Variants in TMEM178B observed in about 807,000 individuals in gnomAD.
TMEM178B encodes transmembrane protein 178B.
A neutral mutation model predicts 31.0 loss-of-function variants in TMEM178B; 5 were observed. That is an observed-to-expected ratio of 0.16 (90% CI 0.08 to 0.34). TMEM178B has a LOEUF of 0.34. Among genes scored for constraint, TMEM178B ranks in the 10% least tolerant of loss-of-function variants. The pLI is 1.00. For synonymous variants in TMEM178B, 164 were observed against 164.0 expected (o/e 1.00, Z 0.00); for missense variants, 275 against 400.3 (o/e 0.69, Z 2.67).
chr7:141,319,463 G>A (rs996591645), intron 2 of TMEM178B, among the ~76,000 whole-genome samples: 6 of 152,168 alleles, frequency 3.9e-5, no homozygotes, highest in Non-Finnish European at 5.9e-5. Context: ...TTTTCATGGT[G>A]GAAAGATGTA....
chr7:141,142,772 T>C (rs1462358927), intron 1 of TMEM178B, among the ~76,000 whole-genome samples: 8 of 152,252 alleles, frequency 5.3e-5, no homozygotes, highest in Admixed American at 5.2e-4. Context: ...GGTAGCTCTC[T>C]TTTAAGTTCT....
At chr7:141,299,696 C>T (rs117680401) in intron 2 of TMEM178B, among the ~76,000 whole-genome samples, 2,256 of 152,324 alleles carry the variant, frequency 0.015, 28 homozygotes, top group Middle Eastern at 0.051. Context: ...GGTGTCCTCT[C>T]TTCTGTCCCT....
At chr7:141,221,862 C>T (rs893339088) in intron 2 of TMEM178B, among the ~76,000 whole-genome samples, 1 of 152,282 alleles carries the variant, frequency 6.6e-6, no homozygotes, top group South Asian at 2.1e-4. Context: ...CAGATGGGGT[C>T]GATTGCCTGG....
intron 1 of TMEM178B, among the ~76,000 whole-genome samples, chr7:141,092,193 G>A (rs1300435390): frequency 1.3e-5 from 2 of 152,088 alleles, no homozygotes; most frequent in Non-Finnish European, 2.9e-5. Context: ...GTAATTCTTG[G>A]TTACCCTACC....
chr7:141,457,772 C>A (rs1188255720), intron 3 of TMEM178B, among the ~76,000 whole-genome samples: 1 of 152,194 alleles, frequency 6.6e-6, no homozygotes, highest in Non-Finnish European at 1.5e-5. Context: ...AAACATGCAA[C>A]TGTGCAAACA....
intron 2 of TMEM178B, among the ~76,000 whole-genome samples, chr7:141,401,894 A>G (rs186723141): frequency 9.1e-4 from 138 of 152,314 alleles, no homozygotes; most frequent in African/African-American, 2.1e-3. Flanking sequence ...CCCCTAAAAC[A>G]TCAGATAACT....
rs1166678700 is a variant in TMEM178B at position 141,476,679 on chromosome 7, G to A, written c.*5893G>A. 1 of 152,158 alleles carries A rather than the reference G, an allele frequency of 6.6e-6. No homozygotes were observed. The highest frequency in any genetic ancestry group is 1.5e-5 in the Non-Finnish European group (1 of 68,046). 9.4% of individuals were successfully genotyped at this position (152,158 alleles called of 1,614,324 possible). On this transcript the variant is annotated 3_prime_UTR_variant, in exon 4 of 4. Transcript: ENST00000565468. ...GGTACATTCACTAAGACGTGTCTGG[G>A]TGTGATCCTGTTTGGGAAAAACAGA...
At chr7:141,411,640 G>T (rs1345170421) in intron 2 of TMEM178B, among the ~76,000 whole-genome samples, 2 of 152,172 alleles carry the variant, frequency 1.3e-5, no homozygotes, top group East Asian at 3.8e-4. Context: ...TGTTTGTTTG[G>T]CGCATTCAAT....
At chr7:141,241,179 C>T (rs562394140) in intron 2 of TMEM178B, among the ~76,000 whole-genome samples, 1 of 151,948 alleles carries the variant, frequency 6.6e-6, no homozygotes, top group East Asian at 1.9e-4. Context: ...TCCCATCCTC[C>T]CCCTTCTGAG....
chr7:141,185,095 G>T (rs768942816), intron 1 of TMEM178B, among the ~76,000 whole-genome samples: 2 of 152,172 alleles, frequency 1.3e-5, no homozygotes. Context: ...AGCTCTAGGG[G>T]AGCATACAGA....
At chr7:141,225,161 C>G (rs528325612) in intron 2 of TMEM178B, among the ~76,000 whole-genome samples, 2 of 152,270 alleles carry the variant, frequency 1.3e-5, no homozygotes, top group South Asian at 2.1e-4. Context: ...AGAATCCAGA[C>G]AGTTGTGACT....
chr7:141,217,286 G>A (rs1384530508), intron 2 of TMEM178B, among the ~76,000 whole-genome samples: 2 of 152,224 alleles, frequency 1.3e-5, no homozygotes, highest in African/African-American at 4.8e-5. Context: ...AGCACAGGTG[G>A]GGCCTGGGCC....
intron 1 of TMEM178B, among the ~76,000 whole-genome samples, chr7:141,191,390 T>G (rs1283755525): frequency 6.6e-6 from 1 of 152,230 alleles, no homozygotes; most frequent in Non-Finnish European, 1.5e-5. Flanking sequence ...TGGGTCAAAT[T>G]GAGGCTTTGT....
chr7:141,499,572 G>A, the TMEM178B span, among the ~76,000 whole-genome samples: 4 of 151,696 alleles, frequency 2.6e-5, no homozygotes, highest in East Asian at 1.9e-4. Flanking sequence ...CTGGGAGGTC[G>A]AGGCTTCAGT....
the TMEM178B span, among the ~76,000 whole-genome samples, chr7:141,493,337 C>T: frequency 2.6e-5 from 4 of 152,126 alleles, no homozygotes; most frequent in Admixed American, 6.5e-5. Context: ...TGTGTTCTGA[C>T]GAAGGACAGA....
intron 2 of TMEM178B, among the ~76,000 whole-genome samples, chr7:141,435,423 T>C (rs1334408682): frequency 6.6e-6 from 1 of 152,168 alleles, no homozygotes; most frequent in African/African-American, 2.4e-5. Flanking sequence ...AGTATCCCAT[T>C]TCCAGGAGAT....
intron 2 of TMEM178B, among the ~76,000 whole-genome samples, chr7:141,413,412 G>A (rs1801031508): frequency 6.6e-6 from 1 of 152,088 alleles, no homozygotes; most frequent in Non-Finnish European, 1.5e-5. Context: ...ATGGACAAAT[G>A]GCATAACAGC....
At chr7:141,081,645 GAAAA>G (rs537851643) in intron 1 of TMEM178B, among the ~76,000 whole-genome samples, 3 of 127,018 alleles carry the variant, frequency 2.4e-5, no homozygotes, top group African/African-American at 8.7e-5. Context: ...TCAAAAAAAA[GAAAA>G]AAAAAAAGAA....
In TMEM178B at chr7:141,473,489, T is replaced by C. The variant is rs1334279893; in HGVS notation, c.*2703T>C. 6.6e-6 allele frequency: 1 copy of C among 152,218 alleles called. No homozygotes were observed. Among genetic ancestry groups the C allele is most frequent in the Non-Finnish European group, 1.5e-5 (1 of 68,040 alleles). 9.4% of individuals were successfully genotyped at this position (152,218 alleles called of 1,614,324 possible). On this transcript the variant is annotated 3_prime_UTR_variant, in exon 4 of 4. Coordinates refer to ENST00000565468, the MANE Select transcript of TMEM178B (RefSeq NM_001195278.2). ...ATGCTGGCTCACAGACCTATCATTA[T>C]TTATATCCTCTTTTTAAAAAAAAAT...
Sources: allele counts gnomAD v4.1 joint callset (sites outside exome capture counted in the v4.1 genomes callset), GRCh38; gene constraint gnomAD v4.1.1; transcripts MANE v1.5; gene names NCBI Gene and HGNC (gene_info 2026-07-23, HGNC 2026-07-21).